ULK4: variants seen among roughly 807,000 people sequenced by gnomAD.
ULK4 encodes the protein unc-51 like kinase 4.
A neutral mutation model predicts 160.6 loss-of-function variants in ULK4; 133 were observed. The observed-to-expected ratio is 0.83, with a 90% CI of 0.72 to 0.96. ULK4 has a LOEUF of 0.96. Ranked by LOEUF, ULK4 falls within the 40% of genes least tolerant of loss-of-function variation. The pLI, the probability that ULK4 is intolerant of heterozygous loss-of-function variation, is 0.00. For synonymous variants in ULK4, 534 were observed against 539.8 expected (o/e 0.99, Z 0.15); for missense variants, 1,580 against 1,499.5 (o/e 1.05, Z -0.89).
intron 32 of ULK4, among the ~76,000 whole-genome samples, chr3:41,482,335 C>A (rs1050734383): frequency 7.2e-5 from 11 of 152,142 alleles, no homozygotes; most frequent in African/African-American, 2.7e-4. Context: ...CACATTTTAA[C>A]ATTTGAAAGC....
At chr3:41,378,660 G>T (rs2081573278) in intron 35 of ULK4, among the ~76,000 whole-genome samples, 2 of 151,244 alleles carry the variant, frequency 1.3e-5, no homozygotes, top group East Asian at 2.0e-4. Context: ...AGGGATAGCA[G>T]TAAAAGATAT....
At chr3:41,451,187 A>G (rs1374717822) in intron 34 of ULK4, among the ~76,000 whole-genome samples, 1 of 152,108 alleles carries the variant, frequency 6.6e-6, no homozygotes. Context: ...GTGCTTTTAC[A>G]TATGTAAATA....
At chr3:41,725,628 G>C (rs1188827903) in intron 22 of ULK4, among the ~76,000 whole-genome samples, 1 of 152,044 alleles carries the variant, frequency 6.6e-6, no homozygotes, top group East Asian at 1.9e-4. Context: ...ATTAATCACA[G>C]TTATTTTAAA....
intron 35 of ULK4, among the ~76,000 whole-genome samples, chr3:41,305,279 G>A (rs569557981): frequency 6.7e-6 from 1 of 148,836 alleles, no homozygotes; most frequent in East Asian, 2.0e-4. Context: ...CTCTCATGCT[G>A]AGCCGAAGCT....
chr3:41,504,679 C>T (rs1381025594), intron 32 of ULK4, among the ~76,000 whole-genome samples: 4 of 152,144 alleles, frequency 2.6e-5, no homozygotes, highest in East Asian at 1.9e-4. Flanking sequence ...GGCACAATGT[C>T]GTAAAAAATC....
intron 35 of ULK4, among the ~76,000 whole-genome samples, chr3:41,396,882 C>T (rs1474669630): frequency 6.6e-6 from 1 of 152,122 alleles, no homozygotes; most frequent in Admixed American, 6.6e-5. Flanking sequence ...GGGGGAGTCA[C>T]ACCCATACAA....
At chr3:41,768,216 T>C (rs1197829979) in intron 21 of ULK4, among the ~76,000 whole-genome samples, 5 of 152,142 alleles carry the variant, frequency 3.3e-5, no homozygotes, top group African/African-American at 7.2e-5. Context: ...TTTCACGAAA[T>C]TGGTCCCTGG....
At chr3:41,866,170 A>G (rs904612397) in intron 17 of ULK4, among the ~76,000 whole-genome samples, 2 of 152,222 alleles carry the variant, frequency 1.3e-5, no homozygotes, top group Non-Finnish European at 2.9e-5. Flanking sequence ...GTTGGTCCAC[A>G]CCCATTCAGC....
At chr3:41,460,935 T>A (rs1217298771) in intron 33 of ULK4, among the ~76,000 whole-genome samples, 1 of 152,142 alleles carries the variant, frequency 6.6e-6, no homozygotes, top group Non-Finnish European at 1.5e-5. Context: ...AGTGGTATAC[T>A]GGTGTGTCTG....
chr3:41,829,191 C>A (rs547512609), intron 18 of ULK4, among the ~76,000 whole-genome samples: 109 of 149,948 alleles, frequency 7.3e-4, no homozygotes, highest in African/African-American at 2.4e-3. Flanking sequence ...ACCATAAAAA[C>A]CCTAGAAGAA....
At chr3:41,678,423 T>C (rs572896537) in intron 29 of ULK4, among the ~76,000 whole-genome samples, 1 of 152,150 alleles carries the variant, frequency 6.6e-6, no homozygotes, top group Admixed American at 6.6e-5. Flanking sequence ...ACCCTTTTTC[T>C]AGGATTACCC....
intron 27 of ULK4, among the ~76,000 whole-genome samples, chr3:41,698,876 T>C (rs1425142117): frequency 6.6e-6 from 1 of 152,206 alleles, no homozygotes; most frequent in Non-Finnish European, 1.5e-5. Flanking sequence ...CTTAACTTTT[T>C]TGCAAGTGGA....
intron 35 of ULK4, among the ~76,000 whole-genome samples, chr3:41,348,450 A>C (rs762812493): frequency 2.6e-5 from 4 of 152,116 alleles, no homozygotes; most frequent in Non-Finnish European, 5.9e-5. Context: ...TTTCTGTCTC[A>C]AAACAACTCT....
At chr3:41,694,774 GTAT>G (rs1421896547) in intron 27 of ULK4, among the ~76,000 whole-genome samples, 1 of 151,932 alleles carries the variant, frequency 6.6e-6, no homozygotes, top group Non-Finnish European at 1.5e-5. Context: ...TTTTAAATTT[GTAT>G]TATTTTTATT....
At chr3:41,421,233 T>C (rs180984425) in intron 34 of ULK4, among the ~76,000 whole-genome samples, 1 of 152,318 alleles carries the variant, frequency 6.6e-6, no homozygotes, top group East Asian at 1.9e-4. Context: ...ATTTCTTTTT[T>C]CTAGGTATAA....
Position 41,835,918 on chromosome 3 carries a change from T to C in ULK4, c.1710A>G (p.Leu570=), listed in dbSNP as rs192218045. 6.2e-7 allele frequency: 1 copy of C among 1,613,674 alleles called. No homozygotes were observed. The highest frequency in any genetic ancestry group is 8.5e-7 in the Non-Finnish European group (1 of 1,179,812). The change falls in exon 18 of 37, where the codon TTA becomes TTG. Residue 570 remains leucine (L), a synonymous_variant. Coordinates refer to ENST00000301831, the MANE Select transcript of ULK4 (RefSeq NM_017886.4). Reference sequence around the variant, plus strand: ...CAAGGGTTGGTAAAAGGCACTGTTTTAATTTGCTGTTCCTGAAGTTTTCCC... The same window carrying C: ...CAAGGGTTGGTAAAAGGCACTGTTTCAATTTGCTGTTCCTGAAGTTTTCCC... ...LIRENFRNSK[L]KQCLLPTLGE...
rs375806756 is a variant in ULK4, at chr3:41,663,639, G to A, written c.3039C>T (p.Val1013=). The change falls in exon 30 of 37, where the codon GTC becomes GTT. Residue 1013 remains valine (V), a synonymous_variant. Transcript: ENST00000301831. ...AAGTTGGGTTGTGTTCAGTCATCGC[G>A]ACTAGCAGTTTCAGAGCATATGCTG... ...PVPAYALKLL[V]AMTEHNPTFT... is the part of the protein sequence containing the mutation. The A allele has an allele frequency of 5.8e-5, 94 of 1,613,898 alleles. No individual in the cohort carries two copies. In the African/African-American group the frequency reaches 6.0e-4, roughly 10 times the overall value.
intron 32 of ULK4, among the ~76,000 whole-genome samples, chr3:41,558,705 AAAAAAAAAGAAAAG>A (rs1228089336): frequency 6.6e-6 from 1 of 150,450 alleles, no homozygotes; most frequent in African/African-American, 2.4e-5. Flanking sequence ...CTCCATCTCA[AAAAAAAAAGAAAAG>A]AAAAAAAAGG....
At chr3:41,710,423 C>G (rs924242221) in intron 25 of ULK4, among the ~76,000 whole-genome samples, 1 of 152,130 alleles carries the variant, frequency 6.6e-6, no homozygotes, top group Non-Finnish European at 1.5e-5. Context: ...CTGTTTCCCC[C>G]TCCCCTGCCC....
Sources: allele counts gnomAD v4.1 joint callset (sites outside exome capture counted in the v4.1 genomes callset), GRCh38; gene constraint gnomAD v4.1.1; transcripts MANE v1.5; gene names NCBI Gene and HGNC (gene_info 2026-07-23, HGNC 2026-07-21).